Variants in ADGRV1 observed in about 807,000 individuals in gnomAD.
ADGRV1 encodes the protein G-protein coupled receptor 98.
In ADGRV1, 359 loss-of-function variants were observed where a neutral mutation model predicts 596.2. That is an observed-to-expected ratio of 0.60 (90% CI 0.55 to 0.66). The LOEUF (loss-of-function observed/expected upper bound fraction) is 0.66, where lower values mean the gene tolerates loss of function less well. ADGRV1 is among the 30% of genes least tolerant of loss of function. ADGRV1 has a pLI of 0.00. For synonymous variants in ADGRV1, 2,681 were observed against 2,679.2 expected (o/e 1.00, Z -0.02); for missense variants, 7,274 against 7,575.6 (o/e 0.96, Z 1.48).
intron 1 of ADGRV1, among the ~76,000 whole-genome samples, chr5:90,605,186 G>T (rs888298078): frequency 6.6e-6 from 1 of 152,166 alleles, no homozygotes; most frequent in African/African-American, 2.4e-5. Context: ...GGAGGCCGAG[G>T]CAGGCGGATC....
rs57252870 is a variant in ADGRV1, at chr5:90,745,336, C to A, written c.10769+71C>A. The A allele has an allele frequency of 0.015, 14,961 of 1,028,174 alleles. 202 individuals carry two copies. The highest frequency in any genetic ancestry group is 0.05 in the Middle Eastern group (158 of 3,152). The allele number at this position is 1,028,174 out of a possible 1,614,324, so 63.7% of individuals were successfully genotyped here. ...TTTGTATGACAGCTCATTTCCAAGT[C>A]ATTATTTGGTGACTGAAAAATATAC... On this transcript the variant is annotated intron_variant, in intron 51 of 89. Coordinates refer to ENST00000405460, the MANE Select transcript of ADGRV1 (RefSeq NM_032119.4).
chr5:91,002,798 T>C (rs1202869378), intron 85 of ADGRV1, among the ~76,000 whole-genome samples: 1 of 152,144 alleles, frequency 6.6e-6, no homozygotes, highest in Admixed American at 6.6e-5. Flanking sequence ...CTTCTTAGAA[T>C]CTCCATTTTC....
chr5:91,128,063 T>A (rs1793916876), intron 87 of ADGRV1, among the ~76,000 whole-genome samples: 1 of 151,966 alleles, frequency 6.6e-6, no homozygotes, highest in Admixed American at 6.6e-5. Flanking sequence ...TGTTGTCTGA[T>A]CTGCTTGCAA....
At chr5:90,914,808 C>G (rs928901349) in intron 83 of ADGRV1, among the ~76,000 whole-genome samples, 4 of 152,060 alleles carry the variant, frequency 2.6e-5, no homozygotes. Context: ...TTCAACATTC[C>G]TTTTCTAATA....
At chr5:90,777,312 C>T (rs1011047314) in intron 61 of ADGRV1, among the ~76,000 whole-genome samples, 4 of 152,132 alleles carry the variant, frequency 2.6e-5, no homozygotes, top group African/African-American at 4.8e-5. Flanking sequence ...GCCCCACCTC[C>T]AACACTTGAG....
In ADGRV1 at chr5:90,779,269, T is replaced by G. The variant is rs1490847754; in HGVS notation, c.13082+172T>G. On this transcript the variant is annotated intron_variant, in intron 64 of 89. Transcript: ENST00000405460. ...AAGGGAAATTATGACAATGACTGAG[T>G]TTTTTTTTTTAATTTTGTTAAATAT... The G allele has an allele frequency of 9.4e-6, 3 of 317,484 alleles. No homozygotes were observed. In the East Asian group the frequency reaches 1.5e-4, roughly 15 times the overall value. The allele number at this position is 317,484 out of a possible 1,614,324, so 19.7% of individuals were successfully genotyped here.
chr5:91,028,930 A>T (rs1469063734), intron 85 of ADGRV1, among the ~76,000 whole-genome samples: 1 of 151,766 alleles, frequency 6.6e-6, no homozygotes, highest in Non-Finnish European at 1.5e-5. Flanking sequence ...ATGGAGACAG[A>T]TTTTGCTATG....
intron 83 of ADGRV1, among the ~76,000 whole-genome samples, chr5:90,918,225 A>G (rs1773557905): frequency 6.6e-6 from 1 of 152,002 alleles, no homozygotes. Flanking sequence ...AATGTTTGGG[A>G]CCAGCTCTGG....
chr5:90,637,494 G>A lies in ADGRV1; in HGVS notation c.2017-231G>A, dbSNP rs559641607. On this transcript the variant is annotated intron_variant, in intron 10 of 89. Coordinates refer to ENST00000405460, the MANE Select transcript of ADGRV1 (RefSeq NM_032119.4). ...TTAGACACATTTTTGGGTGAGGGTA[G>A]TTTTGTATATAAATTTGATTAGCAA... Among the ~76,000 whole-genome samples, 19 of 152,164 alleles carry A rather than the reference G, an allele frequency of 1.2e-4. No homozygotes were observed. In the East Asian group the frequency reaches 3.5e-3, roughly 28 times the overall value.
chr5:90,906,104 T>G (rs549897014), intron 83 of ADGRV1, among the ~76,000 whole-genome samples: 9 of 152,136 alleles, frequency 5.9e-5, no homozygotes, highest in Non-Finnish European at 1.3e-4. Flanking sequence ...AATAATGTTT[T>G]TAATGTATTG....
chr5:90,905,360 T>A (rs1026734467), intron 83 of ADGRV1, among the ~76,000 whole-genome samples: 2 of 152,132 alleles, frequency 1.3e-5, no homozygotes, highest in African/African-American at 4.8e-5. Flanking sequence ...ATTCTTCCAA[T>A]CCATGAACAT....
intron 20 of ADGRV1, chr5:90,655,492 C>G (rs1219039970): frequency 6.6e-6 from 1 of 152,162 alleles, no homozygotes; most frequent in African/African-American, 2.4e-5. Flanking sequence ...TATAGTACTT[C>G]TATGGATACT....
Position 90,828,916 on chromosome 5 carries a change from G to GT in ADGRV1, c.16369-19dup, listed in dbSNP as rs753522700. 3,883 of 1,417,672 alleles carry GT rather than the reference G, an allele frequency of 2.7e-3. 1 individual carries two copies. Among genetic ancestry groups the GT allele is most frequent in the South Asian group, 4.8e-3 (322 of 67,178 alleles). The allele number at this position is 1,417,672 out of a possible 1,614,324, so 87.8% of individuals were successfully genotyped here. A position where few individuals can be genotyped will look rare whatever the true frequency, so the allele number is the denominator to read the frequency against. On this transcript the variant is annotated intron_variant, in intron 76 of 89. Coordinates refer to ENST00000405460, the MANE Select transcript of ADGRV1 (RefSeq NM_032119.4). ...AGATAGAAATATATTAGTAATAGTTGTTTTTTTTTCCTTTTTCTCATTGTC... is the reference window on the plus strand; with the variant it reads ...AGATAGAAATATATTAGTAATAGTTGTTTTTTTTTTCCTTTTTCTCATTGTC...
At chr5:91,028,465 A>G (rs961308064) in intron 85 of ADGRV1, among the ~76,000 whole-genome samples, 1 of 152,066 alleles carries the variant, frequency 6.6e-6, no homozygotes, top group Non-Finnish European at 1.5e-5. Context: ...GTTGGTCTTG[A>G]TATCTTTTCA....
At chr5:90,877,720 TTTTTTCAATGC>T (rs1769354515) in intron 83 of ADGRV1, among the ~76,000 whole-genome samples, 1 of 152,024 alleles carries the variant, frequency 6.6e-6, no homozygotes, top group Non-Finnish European at 1.5e-5. Context: ...GTAAGGTATA[TTTTTTCAATGC>T]TTTTTCTTTT....
At chr5:91,028,582 T>A (rs1372930498) in intron 85 of ADGRV1, among the ~76,000 whole-genome samples, 1 of 152,088 alleles carries the variant, frequency 6.6e-6, no homozygotes, top group Non-Finnish European at 1.5e-5. Context: ...ACTAGATCTA[T>A]CCTAGTCATG....
chr5:90,865,372 C>T (rs1473213276), intron 83 of ADGRV1, among the ~76,000 whole-genome samples: 1 of 152,126 alleles, frequency 6.6e-6, no homozygotes. Context: ...TTGTACAAGA[C>T]TTAATTATAG....
At chr5:90,761,772 G>A (rs912114713) in intron 58 of ADGRV1, among the ~76,000 whole-genome samples, 1 of 152,172 alleles carries the variant, frequency 6.6e-6, no homozygotes, top group South Asian at 2.1e-4. Flanking sequence ...TGTAAAGCAT[G>A]CGTGCTTGAG....
At chr5:90,917,476 T>C (rs1561937248) in intron 83 of ADGRV1, among the ~76,000 whole-genome samples, 1 of 151,656 alleles carries the variant, frequency 6.6e-6, no homozygotes, top group African/African-American at 2.4e-5. Context: ...GTGCCAACCA[T>C]GTGCTAGCAG....
Sources: gnomAD v4.1 joint callset for allele counts (sites outside exome capture counted in the v4.1 genomes callset) on GRCh38, gnomAD v4.1.1 for gene constraint, MANE v1.5 for transcripts, NCBI Gene and HGNC (gene_info 2026-07-23, HGNC 2026-07-21) for gene names.